The following CYS1 variants were observed in gnomAD, a reference collection of about 807,000 sequenced individuals.
CYS1 encodes the protein cystin 1.
In CYS1, 5 loss-of-function variants were observed where a neutral mutation model predicts 9.6. The ratio of observed to expected loss-of-function variants is 0.52; its 90% confidence interval spans 0.27 to 1.10. The LOEUF is 1.10. CYS1 is among the 50% of genes least tolerant of loss of function. The pLI, the probability that CYS1 is intolerant of heterozygous loss-of-function variation, is 0.11. For missense variants in CYS1, 221 were observed against 207.9 expected (o/e 1.06, Z -0.39); for synonymous variants, 88 against 95.7 (o/e 0.92, Z 0.47).
Position 10,076,359 on chromosome 2 carries a change from C to T in CYS1, c.318+3547G>A, listed in dbSNP as rs907535696. ...AATTCCAGGTCCAGCAGCACCATCC[C>T]TACCGCCATCCACTACTGCTGCGCT... On this transcript the variant is annotated intron_variant, in intron 1 of 2. Coordinates refer to ENST00000381813, the MANE Select transcript of CYS1 (RefSeq NM_001037160.3). The surrounding 1 kb of genome is among the most constrained non-coding windows in gnomAD (Gnocchi z 4.3). Among the ~76,000 whole-genome samples, 8 of 152,216 alleles carry T rather than the reference C, an allele frequency of 5.3e-5. No homozygotes were observed. Among genetic ancestry groups the T allele is most frequent in the Non-Finnish European group, 1.0e-4 (7 of 68,000 alleles).
At chr2:10,070,407 G>A (rs988692928) in intron 1 of CYS1, among the ~76,000 whole-genome samples, 11 of 151,568 alleles carry the variant, frequency 7.3e-5, no homozygotes, top group Admixed American at 3.9e-4. Context: ...GTGCAGTGGC[G>A]TGATCTCGGC....
intron 1 of CYS1, among the ~76,000 whole-genome samples, chr2:10,070,794 C>A (rs1307747925): frequency 6.6e-6 from 1 of 152,034 alleles, no homozygotes; most frequent in Non-Finnish European, 1.5e-5. Context: ...CAGGCACATG[C>A]CACCACACAA....
chr2:10,066,659 G>A (rs1403716957), intron 1 of CYS1, among the ~76,000 whole-genome samples: 2 of 152,242 alleles, frequency 1.3e-5, no homozygotes, highest in African/African-American at 4.8e-5. Context: ...CTTTTTCCAA[G>A]AGAGTCTTGG....
chr2:10,064,896 GTTT>G (rs77778372), intron 2 of CYS1, among the ~76,000 whole-genome samples: 1 of 131,810 alleles, frequency 7.6e-6, no homozygotes, highest in Non-Finnish European at 1.7e-5. Flanking sequence ...TTTTGTTTTT[GTTT>G]TTTTTTTTTT....
At chr2:10,066,824 TG>T (rs1661703373) in intron 1 of CYS1, among the ~76,000 whole-genome samples, 1 of 136,318 alleles carries the variant, frequency 7.3e-6, no homozygotes, top group African/African-American at 2.6e-5. Flanking sequence ...TTGTCATATT[TG>T]GGGGAAAAAA....
In CYS1 at chr2:10,079,963, C is replaced by CG; in HGVS notation, c.260dup (p.Glu88GlyfsTer37). ...GGGCTGGGCGGCGCGGGGCGGGCTC[C>CG]GGGGGGCCCCAGGCCGCCGACTCGG... On this transcript the variant is annotated frameshift_variant, in exon 1 of 3. Transcript: ENST00000381813. LOFTEE classifies it high-confidence loss of function. 7 of 1,113,434 alleles carry CG rather than the reference C, an allele frequency of 6.3e-6. No homozygotes were observed. The highest frequency in any genetic ancestry group is 6.6e-6 in the Non-Finnish European group (6 of 912,276). The allele number at this position is 1,113,434 out of a possible 1,614,324, so 69.0% of individuals were successfully genotyped here. A position where few individuals can be genotyped will look rare whatever the true frequency, so the allele number is the denominator to read the frequency against.
At chr2:10,060,474 A>T (rs1040432787) in intron 2 of CYS1, among the ~76,000 whole-genome samples, 1 of 152,160 alleles carries the variant, frequency 6.6e-6, no homozygotes, top group Non-Finnish European at 1.5e-5. Flanking sequence ...ATCGGCATCT[A>T]GCAGAGGGCC....
At chr2:10,065,222 G>T (rs1171750808) in intron 2 of CYS1, among the ~76,000 whole-genome samples, 1 of 152,212 alleles carries the variant, frequency 6.6e-6, no homozygotes, top group African/African-American at 2.4e-5. Flanking sequence ...GTTCAGCAGG[G>T]TTCCTGTCCT....
intron 2 of CYS1, among the ~76,000 whole-genome samples, chr2:10,064,814 T>A (rs1572455594): frequency 6.6e-6 from 1 of 151,956 alleles, no homozygotes; most frequent in African/African-American, 2.4e-5. Context: ...ACCTCCCGGG[T>A]TCAAGTGATT....
intron 1 of CYS1, among the ~76,000 whole-genome samples, chr2:10,072,689 C>A (rs1661785658): frequency 6.6e-6 from 1 of 152,220 alleles, no homozygotes; most frequent in South Asian, 2.1e-4. Flanking sequence ...GAAACTCCTA[C>A]AACGGCTCTC....
chr2:10,080,152 C>T lies in CYS1; in HGVS notation c.72G>A (p.Gly24=), dbSNP rs1661925502. 1 of 1,051,040 alleles carries T rather than the reference C, an allele frequency of 9.5e-7. No individual in the cohort carries two copies. Among genetic ancestry groups the T allele is most frequent in the East Asian group, 8.4e-5 (1 of 11,976 alleles). The allele number at this position is 1,051,040 out of a possible 1,614,324, so 65.1% of individuals were successfully genotyped here. Reference sequence around the variant, plus strand: ...CGCCCTCCAGGGCTGCCGCTCCGGGCCCCGCGGGGAGGCTCTCGGGGCTGC... The same window carrying T: ...CGCCCTCCAGGGCTGCCGCTCCGGGTCCCGCGGGGAGGCTCTCGGGGCTGC... The part of the protein sequence containing the change: ...RRRSPESLPA[G]PGAAALEGGT... The change falls in exon 1 of 3, where the codon GGG becomes GGA. Residue 24 remains glycine (G), a synonymous_variant. Transcript: ENST00000381813. The surrounding 1 kb of genome is among the most constrained non-coding windows in gnomAD (Gnocchi z 6.4).
intron 2 of CYS1, among the ~76,000 whole-genome samples, chr2:10,064,317 G>A (rs1457397429): frequency 6.6e-6 from 1 of 152,142 alleles, no homozygotes; most frequent in Admixed American, 6.5e-5. Context: ...GATATGTCAG[G>A]GGTGTCCTGG....
At chr2:10,074,731 C>T (rs1661818989) in intron 1 of CYS1, among the ~76,000 whole-genome samples, 3 of 152,238 alleles carry the variant, frequency 2.0e-5, no homozygotes, top group Non-Finnish European at 4.4e-5. Flanking sequence ...GCTTGGAATC[C>T]TGTGAAAATG....
intron 2 of CYS1, among the ~76,000 whole-genome samples, chr2:10,059,970 G>A (rs980719465): frequency 6.6e-6 from 1 of 152,270 alleles, no homozygotes; most frequent in Non-Finnish European, 1.5e-5. Flanking sequence ...ACTTTGTGTG[G>A]ACACCTGGGT....
Position 10,057,012 on chromosome 2 carries a change from C to G in CYS1, c.*1841G>C, listed in dbSNP as rs1248384223. On this transcript the variant is annotated 3_prime_UTR_variant, in exon 3 of 3. Transcript: ENST00000381813. ...GTAACTACTTTTGGAATTTTTTTCC[C>G]CTAACACTTTGATCTCATTAAGGGT... is the stretch of plus-strand genomic sequence containing the variant. 1 of 152,084 alleles carries G rather than the reference C, an allele frequency of 6.6e-6. No homozygotes were observed. Among genetic ancestry groups the G allele is most frequent in the Non-Finnish European group, 1.5e-5 (1 of 68,008 alleles). The allele number at this position is 152,084 out of a possible 1,614,324, so 9.4% of individuals were successfully genotyped here.
intron 2 of CYS1, among the ~76,000 whole-genome samples, chr2:10,062,253 T>C (rs929878027): frequency 6.6e-6 from 1 of 152,176 alleles, no homozygotes; most frequent in Non-Finnish European, 1.5e-5. Flanking sequence ...GAAAAAGACC[T>C]TTCCAAGGAA....
At chr2:10,070,486 C>A (rs1267559797) in intron 1 of CYS1, among the ~76,000 whole-genome samples, 1 of 151,918 alleles carries the variant, frequency 6.6e-6, no homozygotes, top group African/African-American at 2.4e-5. Flanking sequence ...GCTGGGATTA[C>A]AGATGTATGC....
rs996983502 is a variant in CYS1, at chr2:10,080,340, T to C, written c.-117A>G. ...CTGCAGGGGGAGGCGCGGGGCGAGG[T>C]CCGGGAAGCGACCGCGGCCAGGGGC... On this transcript the variant is annotated 5_prime_UTR_variant, in exon 1 of 3. Coordinates refer to ENST00000381813, the MANE Select transcript of CYS1 (RefSeq NM_001037160.3). This position sits in a 1 kb window ranked among gnomAD's most constrained non-coding sequence, Gnocchi z 6.4. 3.1e-5 allele frequency: 18 copies of C among 582,942 alleles called. No homozygotes were observed. The Admixed American group carries it at 5.1e-4, about 17-fold the overall frequency. 36.1% of individuals were successfully genotyped at this position (582,942 alleles called of 1,614,324 possible).
intron 1 of CYS1, among the ~76,000 whole-genome samples, chr2:10,068,050 T>C (rs958138798): frequency 6.6e-6 from 1 of 152,210 alleles, no homozygotes; most frequent in African/African-American, 2.4e-5. Context: ...CTATGCTGTG[T>C]TCTGGGTCAT....
Sources: allele counts gnomAD v4.1 joint callset (sites outside exome capture counted in the v4.1 genomes callset), GRCh38; gene constraint gnomAD v4.1.1; non-coding constraint Gnocchi (gnomAD v3.1); transcripts MANE v1.5; gene names NCBI Gene and HGNC (gene_info 2026-07-23, HGNC 2026-07-21).